The following POLR1A variants were observed in gnomAD, a reference collection of about 807,000 sequenced individuals.
The protein encoded by POLR1A is RNA polymerase I subunit A, also known as DNA-directed RNA polymerase I subunit RPA1.
Under a neutral mutation model 205.3 loss-of-function variants are expected in POLR1A, and 84 were observed. That is an observed-to-expected ratio of 0.41 (90% CI 0.34 to 0.49). The LOEUF (loss-of-function observed/expected upper bound fraction) is 0.49, where lower values mean the gene tolerates loss of function less well. POLR1A is among the 20% of genes least tolerant of loss of function. POLR1A has a pLI of 0.22. For missense variants in POLR1A, 1,645 were observed against 2,204.5 expected (o/e 0.75, Z 5.08); for synonymous variants, 799 against 863.7 (o/e 0.93, Z 1.31).
chr2:86,042,893 T>A (rs1051738600), intron 23 of POLR1A, 81 bp downstream of exon 23: 8 of 981,952 alleles, frequency 8.1e-6, no homozygotes, highest in Non-Finnish European at 1.3e-5. Flanking sequence ...TACCTTCTCT[T>A]AGGAAAACAG....
intron 11 of POLR1A, among the ~76,000 whole-genome samples, chr2:86,075,733 C>T (rs1673269392): frequency 6.6e-6 from 1 of 152,194 alleles, no homozygotes; most frequent in Non-Finnish European, 1.5e-5. Context: ...GTAGCAAACT[C>T]CCAACCTCAG....
intron 12 of POLR1A, among the ~76,000 whole-genome samples, chr2:86,074,530 C>T (rs1673244023): frequency 6.6e-6 from 1 of 152,212 alleles, no homozygotes; most frequent in Non-Finnish European, 1.5e-5. Flanking sequence ...TGTGCTCCTT[C>T]CAGTGGAACC....
intron 22 of POLR1A, among the ~76,000 whole-genome samples, chr2:86,043,927 C>T (rs549548015): frequency 6.6e-6 from 1 of 152,172 alleles, no homozygotes; most frequent in South Asian, 2.1e-4. Flanking sequence ...CAGAGGTGCT[C>T]GTGCCCTCCA....
chr2:86,045,420 G>C (rs1227793378), intron 20 of POLR1A, 60 bp from the exon 21 acceptor site: 5 of 1,393,984 alleles, frequency 3.6e-6, no homozygotes, highest in Non-Finnish European at 5.1e-6. Context: ...CTTCCTGAAG[G>C]GCTCAGGCCA....
chr2:86,054,793 C>T (rs138975958), intron 14 of POLR1A, among the ~76,000 whole-genome samples: 3 of 152,206 alleles, frequency 2.0e-5, no homozygotes, highest in Non-Finnish European at 2.9e-5. Flanking sequence ...CTTTCTCAAG[C>T]GGCTGCTCTG....
chr2:86,090,410 C>CAAAAAAAAAAAAAAAAAAAAAAAAAA (rs1673581252), intron 3 of POLR1A, among the ~76,000 whole-genome samples: 1 of 122,422 alleles, frequency 8.2e-6, no homozygotes, highest in African/African-American at 3.1e-5. Flanking sequence ...AAAAAAAAAT[C>CAAAAAAAAAAAAAAAAAAAAAAAAAA]AAATGAGAAC....
chr2:86,061,395 C>T (rs920099151), intron 14 of POLR1A, among the ~76,000 whole-genome samples: 2 of 152,128 alleles, frequency 1.3e-5, no homozygotes, highest in African/African-American at 4.8e-5. Flanking sequence ...TGCAGTGAGC[C>T]AAGATGGCAC....
In POLR1A at chr2:86,078,181, T is replaced by C. The variant is rs757917835; in HGVS notation, c.1190A>G (p.His397Arg). Residue 397 changes from histidine (H) to arginine (R), a missense_variant, in exon 10 of 34, where the codon CAC (histidine) becomes CGC (arginine). This residue lies in a region of POLR1A where 131 missense variants were observed against 214.5 expected (regional missense o/e 0.61). Coordinates refer to ENST00000263857, the MANE Select transcript of POLR1A (RefSeq NM_015425.6). ...LYNIWIRLQS[H>R]VNIVFDSEMD... ...CTCGCTATCAAACACAATATTGACG[T>C]GGCTCTGAAGGCGAATCCAAATGTT... is the stretch of plus-strand genomic sequence containing the variant. 2.2e-5 allele frequency: 36 copies of C among 1,613,404 alleles called. No homozygotes were observed. Among genetic ancestry groups the C allele is most frequent in the Non-Finnish European group, 3.0e-5 (35 of 1,179,924 alleles).
intron 27 of POLR1A, among the ~76,000 whole-genome samples, chr2:86,034,471 A>G (rs1371399092): frequency 2.0e-5 from 3 of 152,206 alleles, no homozygotes; most frequent in African/African-American, 7.2e-5. Context: ...ATTTAAAAGA[A>G]CCAACCTGAA....
At position 86,088,550 on chromosome 2, in the gene POLR1A, G is replaced by C; in HGVS notation, c.730+16C>G. 6.4e-7 allele frequency: 1 copy of C among 1,572,088 alleles called. No individual in the cohort carries two copies. Among genetic ancestry groups the C allele is most frequent in the Non-Finnish European group, 8.8e-7 (1 of 1,141,618 alleles). On this transcript the variant is annotated intron_variant, in intron 6 of 33. Transcript: ENST00000263857. ...TGGCCTCACATGGAGCTCCTCTCCA[G>C]ACCCAGCCTGCTCACCCAGGGGCTC...
At position 86,070,163 on chromosome 2, in the gene POLR1A, A is replaced by G; in HGVS notation, c.1721T>C (p.Val574Ala). Reference protein sequence around the residue: ...HRARILPEEKVLRLHYANCKA... With the variant: ...HRARILPEEKALRLHYANCKA... ...GCAGTTGGCATAGTGGAGCCGCAGC[A>G]CTTTCTCTTCAGGCAGGATGCGGGC... Residue 574 changes from valine to alanine, a missense_variant, in exon 13 of 34, where the codon GTG becomes GCG. Val to Ala is a moderately conservative substitution (Grantham distance 64). Coordinates refer to ENST00000263857, the MANE Select transcript of POLR1A (RefSeq NM_015425.6). This position sits in a 1 kb window ranked among gnomAD's most constrained non-coding sequence, Gnocchi z 4.4. 3 of 1,614,232 alleles carry G rather than the reference A, an allele frequency of 1.9e-6. No homozygotes were observed. The highest frequency in any genetic ancestry group is 2.5e-6 in the Non-Finnish European group (3 of 1,180,038).
chr2:86,041,149 CTGTGTGTGTGTGTGTGTG>C (rs756415592), intron 24 of POLR1A, among the ~76,000 whole-genome samples: 2 of 122,270 alleles, frequency 1.6e-5, no homozygotes, highest in South Asian at 5.7e-4. Flanking sequence ...CTGAGCTACA[CTGTGTGTGTGTGTGTGTG>C]TGTGTGTGTG....
intron 14 of POLR1A, among the ~76,000 whole-genome samples, chr2:86,061,426 G>A (rs556407851): frequency 6.6e-6 from 1 of 152,204 alleles, no homozygotes; most frequent in Non-Finnish European, 1.5e-5. Flanking sequence ...CATCCTGGTA[G>A]AAGTGTGTAT....
intron 28 of POLR1A, among the ~76,000 whole-genome samples, chr2:86,033,395 G>A (rs1013493586): frequency 6.6e-6 from 1 of 152,232 alleles, no homozygotes; most frequent in Non-Finnish European, 1.5e-5. Context: ...CACTTACAGC[G>A]GGCTCTTGGA....
chr2:86,095,873 G>A (rs553128340), intron 3 of POLR1A, among the ~76,000 whole-genome samples: 1 of 143,880 alleles, frequency 7.0e-6, no homozygotes, highest in African/African-American at 2.5e-5. Flanking sequence ...GACTACAGGC[G>A]CCTGCCACCA....
Position 86,092,353 on chromosome 2 carries a change from A to AG in POLR1A, c.433-2425dup, listed in dbSNP as rs1197373114. Among the ~76,000 whole-genome samples, 11 of 152,288 alleles carry AG rather than the reference A, an allele frequency of 7.2e-5. No homozygotes were observed. The East Asian group carries it at 2.1e-3, about 29-fold the overall frequency. ...TTCTGGGAGATGGGGCCTCTAGGCCAGGGGGGCTCCCATAGCCGCTGATGT... is the reference window on the plus strand; with the variant it reads ...TTCTGGGAGATGGGGCCTCTAGGCCAGGGGGGGCTCCCATAGCCGCTGATGT... On this transcript the variant is annotated intron_variant, in intron 3 of 33. Coordinates refer to ENST00000263857, the MANE Select transcript of POLR1A (RefSeq NM_015425.6).
In POLR1A at chr2:86,027,505, C is replaced by T. The variant is rs779817629; in HGVS notation, c.5081G>A (p.Arg1694Lys). The T allele has an allele frequency of 4.3e-6, 7 of 1,614,028 alleles. No individual in the cohort carries two copies. The highest frequency in any genetic ancestry group is 2.7e-5 in the African/African-American group (2 of 74,918). ...ATMLGSHDEL[R>K]SPSACLVVGK... Reference sequence around the variant, plus strand: ...GACCACAAGGCAGGCAGAAGGAGACCTCAGCTCATCGTGGGATCCTGACAG... The same window carrying T: ...GACCACAAGGCAGGCAGAAGGAGACTTCAGCTCATCGTGGGATCCTGACAG... Residue 1694 changes from arginine to lysine, a missense_variant, in exon 34 of 34, where the codon AGG becomes AAG. Coordinates refer to ENST00000263857, the MANE Select transcript of POLR1A (RefSeq NM_015425.6).
chr2:86,104,842 G>A (rs1461865674), intron 1 of POLR1A, among the ~76,000 whole-genome samples: 1 of 152,244 alleles, frequency 6.6e-6, no homozygotes, highest in Non-Finnish European at 1.5e-5. Context: ...ACAGACAGCT[G>A]AACAAATGGG....
At chr2:86,027,585 T>C in intron 33 of POLR1A, 62 bp from the exon 34 acceptor site, 1 of 1,401,652 alleles carries the variant, frequency 7.1e-7, no homozygotes, top group Non-Finnish European at 1.0e-6. Context: ...TGTCATGAGG[T>C]GATTATGGGG....
Sources: gnomAD v4.1 joint callset for allele counts (sites outside exome capture counted in the v4.1 genomes callset) on GRCh38, gnomAD v4.1.1 for gene constraint, gnomAD v4.1.1 regional missense constraint, Gnocchi (gnomAD v3.1) non-coding constraint, MANE v1.5 for transcripts, NCBI Gene and HGNC (gene_info 2026-07-23, HGNC 2026-07-21) for gene names.